SIGLEC12: variants seen among roughly 807,000 people sequenced by gnomAD.
SIGLEC12 encodes the protein sialic acid binding Ig like lectin 12, also known as sialic acid-binding Ig-like lectin 12.
In SIGLEC12, 43 loss-of-function variants were observed where a neutral mutation model predicts 54.1. The observed-to-expected ratio is 0.80, with a 90% CI of 0.62 to 1.03. The LOEUF is 1.03. Among genes scored for constraint, SIGLEC12 ranks in the 50% least tolerant of loss-of-function variants. The pLI is 0.00. For missense variants in SIGLEC12, 802 were observed against 735.2 expected (o/e 1.09, Z -1.05); for synonymous variants, 357 against 307.6 (o/e 1.16, Z -1.68).
At chr19:51,497,790 C>T (rs1302746184) in intron 5 of SIGLEC12, among the ~76,000 whole-genome samples, 3 of 152,224 alleles carry the variant, frequency 2.0e-5, no homozygotes, top group African/African-American at 4.8e-5. Context: ...ACTTGCCTCA[C>T]ACTAGTCCAG....
rs965386367 is a variant in SIGLEC12 at position 51,491,398 on chromosome 19, G to T, written c.*243C>A. The T allele has an allele frequency of 4.0e-6, 2 of 496,296 alleles. No individual in the cohort carries two copies. Among genetic ancestry groups the T allele is most frequent in the African/African-American group, 2.0e-5 (1 of 50,800 alleles). 30.7% of individuals were successfully genotyped at this position (496,296 alleles called of 1,614,324 possible). On this transcript the variant is annotated 3_prime_UTR_variant, in exon 8 of 8. Transcript: ENST00000291707. ...ACTATATTTGGAACCTAAAATAGTC[G>T]ACCTCAGAGAAGTAGAGAAGAGAAT...
In SIGLEC12 at chr19:51,496,999, C is replaced by T. The variant is rs367885606; in HGVS notation, c.1503-23G>A. ...ACTCTGAGTGAAGAGACCAGAGAGC[C>T]TTTCAGTGTGGTCAGATCGGGGTGC... is the stretch of plus-strand genomic sequence containing the variant. On this transcript the variant is annotated intron_variant, in intron 6 of 7. Coordinates refer to ENST00000291707, the MANE Select transcript of SIGLEC12 (RefSeq NM_053003.4). 43 of 1,612,668 alleles carry T rather than the reference C, an allele frequency of 2.7e-5. No individual in the cohort carries two copies. In the African/African-American group the frequency reaches 5.2e-4, roughly 19 times the overall value.
Position 51,491,582 on chromosome 19 carries a change from C to A in SIGLEC12, c.*59G>T. ...CTGTTAATTCTAAAGGAATCAGTCT[C>A]GGGCTTCTTTGCTGCAGGGGTCGTG... On this transcript the variant is annotated 3_prime_UTR_variant, in exon 8 of 8. Transcript: ENST00000291707. The A allele has an allele frequency of 6.6e-7, 1 of 1,522,484 alleles. No individual in the cohort carries two copies. 94.3% of individuals were successfully genotyped at this position (1,522,484 alleles called of 1,614,324 possible).
At chr19:51,494,025 A>T (rs942320032) in intron 7 of SIGLEC12, among the ~76,000 whole-genome samples, 1 of 152,110 alleles carries the variant, frequency 6.6e-6, no homozygotes, top group Non-Finnish European at 1.5e-5. Context: ...AATCACACAG[A>T]CGTCCTTGTG....
chr19:51,499,647 CA>C lies in SIGLEC12; in HGVS notation c.877del (p.Cys293AlafsTer52), dbSNP rs1282846183. On this transcript the variant is annotated frameshift_variant, in exon 3 of 8. Transcript: ENST00000291707. LOFTEE classifies it high-confidence loss of function. ...CTGTTCACAGGCCCAGGGCACAGAG[CA>C]GGTCAGGTTCCTGGGGTGGCCAGAC... ...LESGHPRNLT[C>X]SVPWACEQGT... 1.9e-6 allele frequency: 3 copies of C among 1,613,912 alleles called. No homozygotes were observed. The highest frequency in any genetic ancestry group is 2.5e-6 in the Non-Finnish European group (3 of 1,179,986).
At chr19:51,497,086 G>C in intron 6 of SIGLEC12, 110 bp from the exon 7 acceptor site, 1 of 1,547,844 alleles carries the variant, frequency 6.5e-7, no homozygotes, top group South Asian at 1.1e-5. Context: ...TAACTGAGGC[G>C]GGAGGGGAGT....
rs1337335874 is a variant in SIGLEC12, at chr19:51,491,719, G to A, written c.1710C>T (p.Phe570=). The change falls in exon 8 of 8, where the codon TTC becomes TTT. Residue 570 remains phenylalanine, a synonymous_variant. Coordinates refer to ENST00000291707, the MANE Select transcript of SIGLEC12 (RefSeq NM_053003.4). ...EGEIQYASLS[F]HKARPQYPQE... ...GTGGGTACTGAGGCCTCGCTTTGTG[G>A]AAGCTGAGGGATGCATACTGGATCT... 2 of 1,614,010 alleles carry A rather than the reference G, an allele frequency of 1.2e-6. No homozygotes were observed. Among genetic ancestry groups the A allele is most frequent in the South Asian group, 2.2e-5 (2 of 91,080 alleles).
rs180873547 is a variant in SIGLEC12, at chr19:51,496,195, C to A, written c.1599+685G>T. Among the ~76,000 whole-genome samples, 4 of 152,316 alleles carry A rather than the reference C, an allele frequency of 2.6e-5. No individual in the cohort carries two copies. In the East Asian group the frequency reaches 5.8e-4, roughly 22 times the overall value. On this transcript the variant is annotated intron_variant, in intron 7 of 7. Transcript: ENST00000291707. ...ATAAAAAGTCCATGGAAAGCCTGGG[C>A]GCGGTGGCTCACGCCTATAATCCCA...
intron 6 of SIGLEC12, 41 bp from the exon 7 acceptor site, chr19:51,497,017 C>A (rs773619748): frequency 4.3e-6 from 7 of 1,612,140 alleles, no homozygotes; most frequent in Admixed American, 3.3e-5. Flanking sequence ...GTGGTCAGAT[C>A]GGGGTGCAGT....
At chr19:51,497,315 C>A in intron 6 of SIGLEC12, 34 bp downstream of exon 6, 1 of 1,588,476 alleles carries the variant, frequency 6.3e-7, no homozygotes, top group Non-Finnish European at 8.6e-7. Context: ...CCTGCCCTCC[C>A]CCAAGGCTCT....
Position 51,491,497 on chromosome 19 carries a change from AC to A in SIGLEC12, c.*143del. On this transcript the variant is annotated 3_prime_UTR_variant, in exon 8 of 8. Coordinates refer to ENST00000291707, the MANE Select transcript of SIGLEC12 (RefSeq NM_053003.4). ...GAAAGGGAGAGTTTGGTCATCAGGC[AC>A]GCATTTTCAGTTTGACAAGAGGAAT... 1.3e-6 allele frequency: 1 copy of A among 776,146 alleles called. No individual in the cohort carries two copies. The highest frequency in any genetic ancestry group is 1.7e-5 in the South Asian group (1 of 58,104). The allele number at this position is 776,146 out of a possible 1,614,324, so 48.1% of individuals were successfully genotyped here. A position where few individuals can be genotyped will look rare whatever the true frequency, so the allele number is the denominator to read the frequency against.
chr19:51,501,380 T>A lies in SIGLEC12; in HGVS notation c.354A>T (p.Thr118=). ...IRDTRESDAG[T]YVFCVERGNM... is the part of the protein sequence containing the mutation. Reference sequence around the variant, plus strand: ...TTCCTCTCTCTACACAAAAGACGTATGTCCCTGCATCACTCTCTCTGGTGT... The same window carrying A: ...TTCCTCTCTCTACACAAAAGACGTAAGTCCCTGCATCACTCTCTCTGGTGT... The change falls in exon 1 of 8, where the codon ACA becomes ACT. Residue 118 remains threonine (T), a synonymous_variant. Coordinates refer to ENST00000291707, the MANE Select transcript of SIGLEC12 (RefSeq NM_053003.4). The A allele has an allele frequency of 5.0e-6, 8 of 1,614,244 alleles. No homozygotes were observed. The highest frequency in any genetic ancestry group is 6.8e-6 in the Non-Finnish European group (8 of 1,180,040).
chr19:51,495,398 T>C (rs185097849), intron 7 of SIGLEC12, among the ~76,000 whole-genome samples: 6,541 of 44,424 alleles, frequency 0.15, 499 homozygotes, highest in Middle Eastern at 0.22. Flanking sequence ...GATGGATGGA[T>C]GGGTGGGTGG....
intron 7 of SIGLEC12, among the ~76,000 whole-genome samples, chr19:51,493,387 C>T (rs1006222878): frequency 1.3e-5 from 2 of 152,224 alleles, no homozygotes; most frequent in Non-Finnish European, 2.9e-5. Context: ...ATCTCATCCA[C>T]TGTGTTGTCT....
chr19:51,497,983 G>C (rs767114558), intron 5 of SIGLEC12, 35 bp downstream of exon 5: 5 of 1,611,328 alleles, frequency 3.1e-6, no homozygotes, highest in Non-Finnish European at 4.2e-6. Flanking sequence ...GGTGGGACAT[G>C]TGTGTTCTCC....
intron 7 of SIGLEC12, among the ~76,000 whole-genome samples, chr19:51,494,154 C>T (rs1990171694): frequency 6.6e-6 from 1 of 152,148 alleles, no homozygotes; most frequent in African/African-American, 2.4e-5. Flanking sequence ...TGTGCTCAAA[C>T]ATCACTAACA....
In SIGLEC12 at chr19:51,500,180, G is replaced by A. The variant is rs774688289; in HGVS notation, c.548C>T (p.Ser183Phe). The A allele has an allele frequency of 8.7e-6, 14 of 1,614,022 alleles. No individual in the cohort carries two copies. In the Admixed American group the frequency reaches 1.8e-4, roughly 21 times the overall value. The change falls in exon 2 of 8, where the codon TCT (serine) becomes TTT (phenylalanine). Residue 183 changes from serine to phenylalanine, a missense_variant. Ser to Phe is a radical substitution (Grantham distance 155). Coordinates refer to ENST00000291707, the MANE Select transcript of SIGLEC12 (RefSeq NM_053003.4). The stretch of plus-strand genomic sequence containing the variant: ...GAACCAGGATCCATAAACAGGGCTA[G>A]AGGCAGTCCAGTTGTAATGGGGGTA... ...VLYPHYNWTASSPVYGSWFKE... is the reference protein window; with the variant it reads ...VLYPHYNWTAFSPVYGSWFKE...
At position 51,498,152 on chromosome 19, in the gene SIGLEC12, T is replaced by C; in HGVS notation, c.1271A>G (p.Gln424Arg). The change falls in exon 5 of 8, where the codon CAG (glutamine) becomes CGG (arginine). Residue 424 changes from glutamine (Q) to arginine (R), a missense_variant. Gln to Arg is a conservative substitution (Grantham distance 43, BLOSUM62 1). Coordinates refer to ENST00000291707, the MANE Select transcript of SIGLEC12 (RefSeq NM_053003.4). ...CTCCAGCACCCCAAGGTTCGAGGAC[T>C]GTGAGGGGCTCAGGGTCAGGCTCCC... ...TWGSLTLSPS[Q>R]SSNLGVLELP... 6.2e-7 allele frequency: 1 copy of C among 1,614,238 alleles called. No individual in the cohort carries two copies. Among genetic ancestry groups the C allele is most frequent in the Non-Finnish European group, 8.5e-7 (1 of 1,180,034 alleles).
At chr19:51,497,937 G>A (rs962343621) in intron 5 of SIGLEC12, 81 bp downstream of exon 5, 72 of 1,564,514 alleles carry the variant, frequency 4.6e-5, no homozygotes, top group Non-Finnish European at 6.0e-5. Context: ...GCTGTGGGTT[G>A]CAGGGAAATT....
Sources: gnomAD v4.1 joint callset for allele counts (sites outside exome capture counted in the v4.1 genomes callset) on GRCh38, gnomAD v4.1.1 for gene constraint, MANE v1.5 for transcripts, NCBI Gene and HGNC (gene_info 2026-07-23, HGNC 2026-07-21) for gene names.